Variants in DSCAML1 observed in about 807,000 individuals in gnomAD.
DSCAML1 encodes DS cell adhesion molecule like 1, also known as cell adhesion molecule DSCAML1.
A neutral mutation model predicts 200.5 loss-of-function variants in DSCAML1; 38 were observed. The observed-to-expected ratio is 0.19, with a 90% CI of 0.15 to 0.25. DSCAML1 has a LOEUF of 0.25. DSCAML1 is among the 10% of genes least tolerant of loss of function. The probability of loss-of-function intolerance (pLI) is 1.00; values close to 1 mark genes in which losing one functional copy is unlikely to be tolerated. For missense variants in DSCAML1, 2,223 were observed against 2,858.8 expected (o/e 0.78, Z 5.07); for synonymous variants, 1,215 against 1,165.0 (o/e 1.04, Z -0.87).
chr11:117,756,399 A>C (rs2054693697), intron 3 of DSCAML1, among the ~76,000 whole-genome samples: 1 of 152,186 alleles, frequency 6.6e-6, no homozygotes, highest in African/African-American at 2.4e-5. Context: ...CAGAGCAGAG[A>C]TAGAGAAGCA....
intron 3 of DSCAML1, among the ~76,000 whole-genome samples, chr11:117,669,313 C>T (rs902245473): frequency 1.9e-4 from 29 of 152,184 alleles, no homozygotes; most frequent in African/African-American, 6.3e-4. Context: ...GTCTGGGGGA[C>T]GGGCCCTCGG....
At position 117,531,874 on chromosome 11, in the gene DSCAML1, G is replaced by A. The variant is rs1392170674; in HGVS notation, c.658+502C>T. 2.3e-5 allele frequency among the ~76,000 whole-genome samples: 3 copies of A among 132,778 alleles called. No individual in the cohort carries two copies. In the South Asian group the frequency reaches 7.9e-4, roughly 35 times the overall value. The allele number at this position is 132,778 out of a possible 152,430, so 87.1% of individuals were successfully genotyped here. A position where few individuals can be genotyped will look rare whatever the true frequency, so the allele number is the denominator to read the frequency against. On this transcript the variant is annotated intron_variant, in intron 4 of 32. Coordinates refer to ENST00000651296, the MANE Select transcript of DSCAML1 (RefSeq NM_020693.4). ...GCACTCCAGCCTGGGCAACAAGAGA[G>A]AAACTCCGTCTCAGGAAAAAGAAAG...
intron 1 of DSCAML1, among the ~76,000 whole-genome samples, chr11:117,804,733 C>G (rs1225164531): frequency 6.6e-6 from 1 of 152,158 alleles, no homozygotes; most frequent in Non-Finnish European, 1.5e-5. Context: ...GAATTCAAGA[C>G]CAGCCTGGAC....
At chr11:117,685,365 C>T (rs571282566) in intron 3 of DSCAML1, among the ~76,000 whole-genome samples, 3 of 152,316 alleles carry the variant, frequency 2.0e-5, no homozygotes, top group East Asian at 3.9e-4. Flanking sequence ...CTCCACCCTT[C>T]CGCTTAATTC....
At chr11:117,636,528 G>A (rs978125617) in intron 3 of DSCAML1, among the ~76,000 whole-genome samples, 2 of 152,130 alleles carry the variant, frequency 1.3e-5, no homozygotes, top group Non-Finnish European at 2.9e-5. Flanking sequence ...GCCAGAATAG[G>A]AGGCCCATGC....
Position 117,518,423 on chromosome 11 carries a change from G to T in DSCAML1, c.1510+43C>A. On this transcript the variant is annotated intron_variant, in intron 7 of 32. Coordinates refer to ENST00000651296, the MANE Select transcript of DSCAML1 (RefSeq NM_020693.4). The surrounding 1 kb of genome is among the most constrained non-coding windows in gnomAD (Gnocchi z 6.3). The stretch of plus-strand genomic sequence containing the variant: ...TAATGGTAACCACAGAGATGGCAAA[G>T]GAACTCAAAAACCTATTCTGATATT... The T allele has an allele frequency of 6.2e-7, 1 of 1,611,528 alleles. No individual in the cohort carries two copies. The highest frequency in any genetic ancestry group is 1.1e-5 in the South Asian group (1 of 90,890).
chr11:117,786,133 T>C (rs2055348338), intron 1 of DSCAML1, among the ~76,000 whole-genome samples: 1 of 152,106 alleles, frequency 6.6e-6, no homozygotes, highest in Non-Finnish European at 1.5e-5. Context: ...CAGGCATATT[T>C]ACCGAAAGAA....
At chr11:117,474,245 G>A (rs560082491) in intron 14 of DSCAML1, among the ~76,000 whole-genome samples, 1 of 152,214 alleles carries the variant, frequency 6.6e-6, no homozygotes, top group Admixed American at 6.5e-5. Context: ...CTTTTTGGGT[G>A]TATTCAACAC....
In DSCAML1 at chr11:117,498,390, C is replaced by T. The variant is rs951569208; in HGVS notation, c.2359+5455G>A. Among the ~76,000 whole-genome samples the T allele has an allele frequency of 2.0e-5, 3 of 152,122 alleles. No individual in the cohort carries two copies. Among genetic ancestry groups the T allele is most frequent in the Non-Finnish European group, 4.4e-5 (3 of 68,012 alleles). Reference sequence around the variant, plus strand: ...GTGGGAGGACAGTCTGTGGAGGAGCCCTCGGGAGGTCCTGGAAGCAGGGAA... The same window carrying T: ...GTGGGAGGACAGTCTGTGGAGGAGCTCTCGGGAGGTCCTGGAAGCAGGGAA... On this transcript the variant is annotated intron_variant, in intron 11 of 32. Coordinates refer to ENST00000651296, the MANE Select transcript of DSCAML1 (RefSeq NM_020693.4). This position sits in a 1 kb window ranked among gnomAD's most constrained non-coding sequence, Gnocchi z 4.0.
intron 16 of DSCAML1, 72 bp from the exon 17 acceptor site, chr11:117,465,254 C>A: frequency 6.4e-7 from 1 of 1,570,152 alleles, no homozygotes; most frequent in South Asian, 1.2e-5. Flanking sequence ...AAACCAAAGT[C>A]AGATCATGTC....
chr11:117,568,521 CAA>C (rs1243201745), intron 3 of DSCAML1, among the ~76,000 whole-genome samples: 1 of 152,158 alleles, frequency 6.6e-6, no homozygotes, highest in African/African-American at 2.4e-5. Flanking sequence ...GCAACTTCAG[CAA>C]AGTCTCAGGA....
chr11:117,458,677 C>T (rs1705554894), intron 19 of DSCAML1, 77 bp downstream of exon 19: 1 of 1,558,170 alleles, frequency 6.4e-7, no homozygotes, highest in African/African-American at 1.4e-5. Context: ...CTGCTCTCAC[C>T]CTGCCTCCTG....
intron 3 of DSCAML1, among the ~76,000 whole-genome samples, chr11:117,609,044 C>A (rs1243736): frequency 0.041 from 4,159 of 101,854 alleles, 79 homozygotes; most frequent in African/African-American, 0.067. Flanking sequence ...ACAAAAAAAA[C>A]AAAAATTGTC....
intron 3 of DSCAML1, among the ~76,000 whole-genome samples, chr11:117,673,801 T>G (rs968547366): frequency 6.6e-6 from 1 of 152,240 alleles, no homozygotes; most frequent in Non-Finnish European, 1.5e-5. Context: ...CTTTATTAAC[T>G]ATTACACTTC....
chr11:117,585,749 T>C (rs11216464), intron 3 of DSCAML1, among the ~76,000 whole-genome samples: 75,536 of 151,954 alleles, frequency 0.5, 19,415 homozygotes, highest in Non-Finnish European at 0.56. Context: ...CTGGTGCCTC[T>C]GTCTGGGAGC....
chr11:117,501,298 T>C (rs1012006554), intron 11 of DSCAML1, among the ~76,000 whole-genome samples: 1 of 152,042 alleles, frequency 6.6e-6, no homozygotes, highest in African/African-American at 2.4e-5. Context: ...AGAACAAATA[T>C]TCCAAAGAAG....
chr11:117,574,784 A>C (rs2050904128), intron 3 of DSCAML1, among the ~76,000 whole-genome samples: 1 of 152,162 alleles, frequency 6.6e-6, no homozygotes, highest in African/African-American at 2.4e-5. Flanking sequence ...CAGACTACAG[A>C]AAGCAGCATG....
chr11:117,454,807 T>A (rs1025401201), intron 19 of DSCAML1, among the ~76,000 whole-genome samples: 2 of 152,232 alleles, frequency 1.3e-5, no homozygotes, highest in Non-Finnish European at 2.9e-5. Context: ...TAACTTAAAT[T>A]CAATTTCCAG....
At chr11:117,556,932 G>C (rs1466429281) in intron 3 of DSCAML1, among the ~76,000 whole-genome samples, 1 of 152,188 alleles carries the variant, frequency 6.6e-6, no homozygotes, top group South Asian at 2.1e-4. Context: ...TGGGGTGGAG[G>C]ATGCTAGTAA....
Sources: gnomAD v4.1 joint callset for allele counts (sites outside exome capture counted in the v4.1 genomes callset) on GRCh38, gnomAD v4.1.1 for gene constraint, Gnocchi (gnomAD v3.1) non-coding constraint, MANE v1.5 for transcripts, NCBI Gene and HGNC (gene_info 2026-07-23, HGNC 2026-07-21) for gene names.